The following NFIA variants were observed in gnomAD, a reference collection of about 807,000 sequenced individuals.
NFIA encodes nuclear factor I A, also known as nuclear factor 1 A-type.
Under a neutral mutation model 62.8 loss-of-function variants are expected in NFIA, and 8 were observed. The observed-to-expected ratio is 0.13, with a 90% CI of 0.07 to 0.23. NFIA has a LOEUF of 0.23. NFIA is among the 10% of genes least tolerant of loss of function. NFIA has a pLI of 1.00. For synonymous variants in NFIA, 235 were observed against 238.1 expected, an observed-to-expected ratio of 0.99 and a Z score of 0.12; for missense variants, 410 against 642.1, an observed-to-expected ratio of 0.64 and a Z score of 3.91.
Position 61,451,701 on chromosome 1 carries a change from A to G in NFIA, c.1513-3602A>G, listed in dbSNP as rs79170926. On this transcript the variant is annotated intron_variant, in intron 10 of 10. Transcript: ENST00000403491. ...AAGTTTCTGAGGAAAAAATAGATCAAAGCTCTGTGTTTACTTAATGTAAAT... is the reference window on the plus strand; with the variant it reads ...AAGTTTCTGAGGAAAAAATAGATCAGAGCTCTGTGTTTACTTAATGTAAAT... Among the ~76,000 whole-genome samples, 413 of 152,298 alleles carry G rather than the reference A, an allele frequency of 2.7e-3. 2 individuals carry two copies. The highest frequency in any genetic ancestry group is 5.2e-3 in the South Asian group (25 of 4,820).
chr1:61,445,050 A>G (rs1489132533), intron 10 of NFIA, among the ~76,000 whole-genome samples: 2 of 149,740 alleles, frequency 1.3e-5, no homozygotes, highest in Non-Finnish European at 3.0e-5. Flanking sequence ...ACGCATGCTC[A>G]ATTTTATAAA....
chr1:61,229,246 C>T (rs749604229), intron 2 of NFIA, among the ~76,000 whole-genome samples: 2 of 151,800 alleles, frequency 1.3e-5, no homozygotes, highest in African/African-American at 2.4e-5. Context: ...TATAAGATCA[C>T]GTTAAAGATA....
At chr1:61,165,277 T>C (rs759925247) in intron 2 of NFIA, among the ~76,000 whole-genome samples, 1 of 152,242 alleles carries the variant, frequency 6.6e-6, no homozygotes, top group Non-Finnish European at 1.5e-5. Context: ...TGTAAATCAT[T>C]GTTACCTGAT....
intron 2 of NFIA, among the ~76,000 whole-genome samples, chr1:61,271,922 GA>G (rs1342752405): frequency 2.6e-5 from 4 of 152,168 alleles, no homozygotes; most frequent in Non-Finnish European, 5.9e-5. Context: ...TAAAGCTTAA[GA>G]AAACTTTTAT....
chr1:61,184,353 C>A (rs745425522), intron 2 of NFIA, among the ~76,000 whole-genome samples: 2 of 152,242 alleles, frequency 1.3e-5, no homozygotes, highest in African/African-American at 2.4e-5. Flanking sequence ...CGAGGGCACG[C>A]ACAGCCATTT....
chr1:61,332,718 CA>C (rs1661362040), intron 4 of NFIA, 132 bp downstream of exon 4: 1 of 655,172 alleles, frequency 1.5e-6, no homozygotes, highest in Non-Finnish European at 2.6e-6. Flanking sequence ...AATTTTGACA[CA>C]CAGTTTGTTT....
At chr1:61,191,272 C>T (rs1213045749) in intron 2 of NFIA, among the ~76,000 whole-genome samples, 1 of 151,834 alleles carries the variant, frequency 6.6e-6, no homozygotes, top group East Asian at 1.9e-4. Context: ...ATTTGGCTAT[C>T]AAAAATACGG....
At chr1:61,112,035 T>C (rs1179697843) in intron 2 of NFIA, among the ~76,000 whole-genome samples, 2 of 152,056 alleles carry the variant, frequency 1.3e-5, no homozygotes, top group Non-Finnish European at 2.9e-5. Context: ...ACAATTACAC[T>C]AATTAACATC....
At chr1:61,441,292 G>GGTGTGTGTGTGTGT (rs763246425) in intron 10 of NFIA, among the ~76,000 whole-genome samples, 130 of 139,444 alleles carry the variant, frequency 9.3e-4, no homozygotes, top group African/African-American at 1.6e-3. Context: ...GCCGTGCAGG[G>GGTGTGTGTGTGTGT]GTGTGTGTGT....
At chr1:61,453,080 T>C (rs1373096094) in intron 10 of NFIA, among the ~76,000 whole-genome samples, 1 of 152,116 alleles carries the variant, frequency 6.6e-6, no homozygotes, top group Non-Finnish European at 1.5e-5. Context: ...AAAGACAGAT[T>C]AATTAAATAT....
At chr1:61,192,149 G>A (rs184914613) in intron 2 of NFIA, among the ~76,000 whole-genome samples, 35 of 152,058 alleles carry the variant, frequency 2.3e-4, no homozygotes, top group Non-Finnish European at 1.9e-4. Context: ...TAGTAGACAT[G>A]GGATTTCACC....
intron 2 of NFIA, among the ~76,000 whole-genome samples, chr1:61,140,168 T>A (rs1385622666): frequency 6.6e-6 from 1 of 152,140 alleles, no homozygotes; most frequent in African/African-American, 2.4e-5. Flanking sequence ...AATTGGCCCA[T>A]ATACATTTTG....
intron 9 of NFIA, among the ~76,000 whole-genome samples, chr1:61,409,426 G>A (rs1196245339): frequency 6.6e-6 from 1 of 152,124 alleles, no homozygotes; most frequent in Non-Finnish European, 1.5e-5. Context: ...GTGTTAGGCT[G>A]GGAGAGCTGT....
intron 2 of NFIA, among the ~76,000 whole-genome samples, chr1:61,272,603 C>T (rs895431101): frequency 6.6e-6 from 1 of 152,156 alleles, no homozygotes; most frequent in African/African-American, 2.4e-5. Context: ...GAGTACTTAT[C>T]TTCCCAAACC....
rs115691595 is a variant in NFIA, at chr1:61,122,963, A to G, written c.559+34283A>G. ...TCATTTCTACTCAGTACGTATGTCCATGTATCCAGGAGAAATGGAGAGTTC... is the reference window on the plus strand; with the variant it reads ...TCATTTCTACTCAGTACGTATGTCCGTGTATCCAGGAGAAATGGAGAGTTC... On this transcript the variant is annotated intron_variant, in intron 2 of 10. Coordinates refer to ENST00000403491, the MANE Select transcript of NFIA (RefSeq NM_001134673.4). Among the ~76,000 whole-genome samples, 840 of 152,296 alleles carry G rather than the reference A, an allele frequency of 5.5e-3. 12 individuals carry two copies. Among genetic ancestry groups the G allele is most frequent in the African/African-American group, 0.019 (775 of 41,564 alleles).
rs1414069843 is a variant in NFIA, at chr1:61,462,426, C to T, written c.*7106C>T. 1 of 152,210 alleles carries T rather than the reference C, an allele frequency of 6.6e-6. No homozygotes were observed. The highest frequency in any genetic ancestry group is 2.4e-5 in the African/African-American group (1 of 41,444). The allele number at this position is 152,210 out of a possible 1,614,324, so 9.4% of individuals were successfully genotyped here. On this transcript the variant is annotated 3_prime_UTR_variant, in exon 11 of 11. Coordinates refer to ENST00000403491, the MANE Select transcript of NFIA (RefSeq NM_001134673.4). ...CAAATTGTAGGGGGAGGGGATGGAACACTTCCAGTGATGGTAAGAGATCTG... is the reference window on the plus strand; with the variant it reads ...CAAATTGTAGGGGGAGGGGATGGAATACTTCCAGTGATGGTAAGAGATCTG...
Position 61,406,545 on chromosome 1 carries a change from C to CG in NFIA, c.1255-17_1255-16insG. The CG allele has an allele frequency of 2.2e-5, 6 of 268,370 alleles. No homozygotes were observed. The Admixed American group carries it at 3.3e-4, about 15-fold the overall frequency. The allele number at this position is 268,370 out of a possible 1,614,324, so 16.6% of individuals were successfully genotyped here. ...TTTTTCTTGTACGTGTGTTTTCTGC[C>CG]CCCCCCCCCCCCACAGCCCAATGGG... On this transcript the variant is annotated splice_polypyrimidine_tract_variant and intron_variant, in intron 8 of 10. Transcript: ENST00000403491.
rs184373938 is a variant in NFIA at position 61,152,050 on chromosome 1, A to G, written c.559+63370A>G. On this transcript the variant is annotated intron_variant, in intron 2 of 10. Transcript: ENST00000403491. ...ATCTTTAAAAATGTATGTATCTTCCATTTTTATTCCATATGGCCCCTTAGG... is the reference window on the plus strand; with the variant it reads ...ATCTTTAAAAATGTATGTATCTTCCGTTTTTATTCCATATGGCCCCTTAGG... 5.3e-5 allele frequency among the ~76,000 whole-genome samples: 8 copies of G among 152,240 alleles called. No homozygotes were observed. The East Asian group carries it at 1.5e-3, about 29-fold the overall frequency.
intron 2 of NFIA, among the ~76,000 whole-genome samples, chr1:61,200,749 C>T (rs904526417): frequency 1.1e-4 from 17 of 152,110 alleles, no homozygotes; most frequent in African/African-American, 4.1e-4. Context: ...CAAGTAATGA[C>T]AGAAAAGATG....
Sources: gnomAD v4.1 joint callset for allele counts (sites outside exome capture counted in the v4.1 genomes callset) on GRCh38, gnomAD v4.1.1 for gene constraint, MANE v1.5 for transcripts, NCBI Gene and HGNC (gene_info 2026-07-23, HGNC 2026-07-21) for gene names.